FOXN3: variants seen among roughly 807,000 people sequenced by gnomAD.
FOXN3 encodes the protein forkhead box protein N3.
Under a neutral mutation model 38.4 loss-of-function variants are expected in FOXN3, and 7 were observed. That is an observed-to-expected ratio of 0.18 (90% CI 0.10 to 0.34). The LOEUF (loss-of-function observed/expected upper bound fraction) is 0.34. Ranked by LOEUF, FOXN3 falls within the 10% of genes least tolerant of loss-of-function variation. The pLI is 1.00. For missense variants in FOXN3, 456 were observed against 613.4 expected (o/e 0.74, Z 2.71); for synonymous variants, 230 against 242.2 (o/e 0.95, Z 0.47).
At chr14:89,454,469 T>C (rs919286602) in intron 1 of FOXN3, among the ~76,000 whole-genome samples, 1 of 152,246 alleles carries the variant, frequency 6.6e-6, no homozygotes, top group African/African-American at 2.4e-5. Flanking sequence ...CATTTTGTTA[T>C]AGCAGCCTGA....
intron 2 of FOXN3, among the ~76,000 whole-genome samples, chr14:89,406,962 T>C (rs1284883732): frequency 6.7e-6 from 1 of 148,898 alleles, no homozygotes; most frequent in Non-Finnish European, 1.5e-5. Flanking sequence ...AACTCTACCT[T>C]AATTGATTTA....
chr14:89,511,134 T>C (rs1356095679), intron 1 of FOXN3, among the ~76,000 whole-genome samples: 1 of 26,080 alleles, frequency 3.8e-5, no homozygotes, highest in Non-Finnish European at 2.1e-4. Context: ...CTTTCTTTCT[T>C]TCTTTCTTTT....
At chr14:89,320,592 G>A (rs1445937109) in intron 3 of FOXN3, among the ~76,000 whole-genome samples, 1 of 152,144 alleles carries the variant, frequency 6.6e-6, no homozygotes, top group Non-Finnish European at 1.5e-5. Flanking sequence ...TCAGACTCAA[G>A]TATTATCAGC....
chr14:89,508,446 A>G (rs1358142347), intron 1 of FOXN3, among the ~76,000 whole-genome samples: 2 of 152,110 alleles, frequency 1.3e-5, no homozygotes, highest in Non-Finnish European at 2.9e-5. Flanking sequence ...CAGCTCCCAG[A>G]GGCACCTTCC....
intron 4 of FOXN3, among the ~76,000 whole-genome samples, chr14:89,204,621 T>C (rs1566928641): frequency 6.6e-6 from 1 of 152,226 alleles, no homozygotes; most frequent in East Asian, 1.9e-4. Flanking sequence ...CATTTGCATT[T>C]TCCTTTATCT....
At chr14:89,589,322 G>A (rs2139923223) in intron 1 of FOXN3, among the ~76,000 whole-genome samples, 1 of 152,290 alleles carries the variant, frequency 6.6e-6, no homozygotes, top group Admixed American at 6.5e-5. Context: ...ACAGGTGTGA[G>A]TCACTTAAAA....
chr14:89,511,166 TTTCTTTCTTTC>T (rs1894058613), intron 1 of FOXN3, among the ~76,000 whole-genome samples: 1 of 24,506 alleles, frequency 4.1e-5, no homozygotes, highest in Admixed American at 6.8e-4. Context: ...TCTTTCTTTC[TTTCTTTCTTTC>T]TTTCTTTCTT....
chr14:89,398,713 G>A (rs985595175), intron 2 of FOXN3, among the ~76,000 whole-genome samples: 39 of 152,192 alleles, frequency 2.6e-4, no homozygotes, highest in African/African-American at 8.7e-4. Flanking sequence ...GGCTGGGCAC[G>A]GTGGCTTAAC....
At chr14:89,458,246 T>G (rs1381782469) in intron 1 of FOXN3, among the ~76,000 whole-genome samples, 1 of 152,166 alleles carries the variant, frequency 6.6e-6, no homozygotes, top group Non-Finnish European at 1.5e-5. Context: ...GTTTTCAGTG[T>G]CTCTTGTCAT....
At chr14:89,553,230 C>A (rs1208261174) in intron 1 of FOXN3, among the ~76,000 whole-genome samples, 1 of 119,570 alleles carries the variant, frequency 8.4e-6, no homozygotes, top group Non-Finnish European at 1.7e-5. Flanking sequence ...CAGAACGAGA[C>A]CCTGTCCCAA....
intron 1 of FOXN3, among the ~76,000 whole-genome samples, chr14:89,596,990 T>C (rs1896068949): frequency 6.6e-6 from 1 of 152,148 alleles, no homozygotes; most frequent in South Asian, 2.1e-4. Context: ...CTTTATTATC[T>C]CCTTTCTTCA....
chr14:89,619,064 G>T (rs1257026263), exon 1 of FOXN3: 1 of 152,312 alleles, frequency 6.6e-6, no homozygotes, highest in Non-Finnish European at 1.5e-5. Context: ...TCTCGCGGCC[G>T]CATTGGGGGG....
intron 4 of FOXN3, among the ~76,000 whole-genome samples, chr14:89,193,536 C>T (rs1888019874): frequency 6.6e-6 from 1 of 152,082 alleles, no homozygotes; most frequent in African/African-American, 2.4e-5. Context: ...CCCCCACCCC[C>T]CCACCTTCTG....
At chr14:89,600,169 G>A (rs1896129686) in intron 1 of FOXN3, among the ~76,000 whole-genome samples, 2 of 152,154 alleles carry the variant, frequency 1.3e-5, no homozygotes, top group South Asian at 4.1e-4. Context: ...CTAAATATAT[G>A]CACTACCACT....
intron 1 of FOXN3, among the ~76,000 whole-genome samples, chr14:89,441,648 A>T (rs1892385558): frequency 6.6e-6 from 1 of 152,162 alleles, no homozygotes; most frequent in South Asian, 2.1e-4. Flanking sequence ...TGGGGTATGG[A>T]TATGCAAAGT....
chr14:89,598,830 T>C (rs574645420), intron 1 of FOXN3, among the ~76,000 whole-genome samples: 8 of 152,330 alleles, frequency 5.3e-5, no homozygotes, highest in Admixed American at 4.6e-4. Context: ...TGTTACCATG[T>C]TGTCCCTATG....
intron 3 of FOXN3, among the ~76,000 whole-genome samples, chr14:89,282,705 A>C (rs1462179484): frequency 6.6e-6 from 1 of 152,132 alleles, no homozygotes; most frequent in Non-Finnish European, 1.5e-5. Flanking sequence ...GTTTCTAGAG[A>C]ATTCAATAAT....
At chr14:89,243,809 TG>T (rs2139869573) in intron 4 of FOXN3, among the ~76,000 whole-genome samples, 1 of 152,334 alleles carries the variant, frequency 6.6e-6, no homozygotes, top group South Asian at 2.1e-4. Flanking sequence ...GGGAGTGGCA[TG>T]AATGGGCACC....
intron 1 of FOXN3, among the ~76,000 whole-genome samples, chr14:89,616,755 C>T (rs1486879392): frequency 1.3e-5 from 2 of 152,222 alleles, no homozygotes; most frequent in African/African-American, 2.4e-5. Context: ...TGTTCAAATA[C>T]ATTGTTCTTA....
Sources: gnomAD v4.1 joint callset for allele counts (sites outside exome capture counted in the v4.1 genomes callset) on GRCh38, gnomAD v4.1.1 for gene constraint, MANE v1.5 for transcripts, NCBI Gene and HGNC (gene_info 2026-07-23, HGNC 2026-07-21) for gene names.